FBXL7: variants seen among roughly 807,000 people sequenced by gnomAD.
The protein encoded by FBXL7 is F-box and leucine rich repeat protein 7, also known as F-box/LRR-repeat protein 7.
In FBXL7, 12 loss-of-function variants were observed where a neutral mutation model predicts 38.3. The ratio of observed to expected loss-of-function variants is 0.31; its 90% CI spans 0.20 to 0.51. The LOEUF (loss-of-function observed/expected upper bound fraction) is 0.51. Ranked by LOEUF, FBXL7 falls within the 20% of genes least tolerant of loss-of-function variation. The pLI is 0.98. For missense variants in FBXL7, 567 were observed against 676.4 expected, an observed-to-expected ratio of 0.84 and a Z score of 1.79; for synonymous variants, 297 against 300.9, an observed-to-expected ratio of 0.99 and a Z score of 0.13.
chr5:15,830,521 C>CAG (rs1044781909), intron 2 of FBXL7, among the ~76,000 whole-genome samples: 1 of 143,380 alleles, frequency 7.0e-6, no homozygotes. Flanking sequence ...CACACACACA[C>CAG]ACACGGAAAA....
chr5:15,762,824 G>T (rs1043851992), intron 2 of FBXL7, among the ~76,000 whole-genome samples: 1 of 152,120 alleles, frequency 6.6e-6, no homozygotes, highest in Non-Finnish European at 1.5e-5. Context: ...ATTACGTAGT[G>T]TCTTCCTAAA....
chr5:15,621,953 A>G (rs1740661403), intron 2 of FBXL7, among the ~76,000 whole-genome samples: 1 of 152,164 alleles, frequency 6.6e-6, no homozygotes, highest in Admixed American at 6.5e-5. Context: ...ATTGAATATG[A>G]GTCATTGTGT....
chr5:15,525,635 C>T (rs566344204), intron 1 of FBXL7, among the ~76,000 whole-genome samples: 49 of 152,130 alleles, frequency 3.2e-4, no homozygotes, highest in Middle Eastern at 6.8e-3. Flanking sequence ...TATAAATACA[C>T]GTATACATAT....
At chr5:15,722,810 CT>C (rs1184624048) in intron 2 of FBXL7, among the ~76,000 whole-genome samples, 7 of 152,044 alleles carry the variant, frequency 4.6e-5, no homozygotes, top group African/African-American at 1.7e-4. Context: ...GTAGTCCCAG[CT>C]ACTCGGAAGG....
intron 1 of FBXL7, among the ~76,000 whole-genome samples, chr5:15,602,024 A>G (rs1739811907): frequency 6.6e-6 from 1 of 152,142 alleles, no homozygotes; most frequent in African/African-American, 2.4e-5. Context: ...CCATGTGATG[A>G]CTAAGGCTGC....
chr5:15,523,686 C>T (rs1019926885), intron 1 of FBXL7, among the ~76,000 whole-genome samples: 7 of 152,190 alleles, frequency 4.6e-5, no homozygotes, highest in Admixed American at 2.6e-4. Flanking sequence ...TCCGTGGCGC[C>T]TTCTGCACAT....
chr5:15,775,189 AAGAT>A (rs1736827959), intron 2 of FBXL7, among the ~76,000 whole-genome samples: 1 of 152,236 alleles, frequency 6.6e-6, no homozygotes, highest in African/African-American at 2.4e-5. Flanking sequence ...TTGAGCAAGA[AAGAT>A]AGGGAAGATG....
chr5:15,926,038 G>A (rs1454419516), intron 2 of FBXL7, among the ~76,000 whole-genome samples: 2 of 152,092 alleles, frequency 1.3e-5, no homozygotes, highest in Non-Finnish European at 2.9e-5. Flanking sequence ...ATTTAAGGTA[G>A]GCTAGGACAA....
At chr5:15,774,414 G>A (rs772096917) in intron 2 of FBXL7, among the ~76,000 whole-genome samples, 7 of 151,460 alleles carry the variant, frequency 4.6e-5, no homozygotes, top group Non-Finnish European at 8.8e-5. Flanking sequence ...GGTGGAGGGT[G>A]GGGGGGCTAC....
intron 1 of FBXL7, among the ~76,000 whole-genome samples, chr5:15,539,178 A>C (rs1477946299): frequency 2.0e-5 from 3 of 152,234 alleles, no homozygotes; most frequent in African/African-American, 7.2e-5. Flanking sequence ...TAAAAATGCA[A>C]CAGTACCATC....
intron 1 of FBXL7, among the ~76,000 whole-genome samples, chr5:15,571,104 A>AAG (rs966315609): frequency 6.6e-6 from 1 of 151,220 alleles, no homozygotes; most frequent in African/African-American, 2.4e-5. Flanking sequence ...AAAAAAAAAA[A>AAG]AAAAAAGAAA....
chr5:15,760,046 C>A (rs1308011525), intron 2 of FBXL7, among the ~76,000 whole-genome samples: 2 of 151,844 alleles, frequency 1.3e-5, no homozygotes, highest in African/African-American at 2.4e-5. Flanking sequence ...AGAATTATTT[C>A]ATTTTTTTTT....
At chr5:15,739,459 G>GA (rs1735838568) in intron 2 of FBXL7, among the ~76,000 whole-genome samples, 2 of 152,302 alleles carry the variant, frequency 1.3e-5, no homozygotes, top group South Asian at 4.2e-4. Context: ...TGTATTCACA[G>GA]AATTGTACAA....
intron 2 of FBXL7, among the ~76,000 whole-genome samples, chr5:15,755,513 A>C (rs1277738886): frequency 6.6e-6 from 1 of 152,212 alleles, no homozygotes; most frequent in Non-Finnish European, 1.5e-5. Flanking sequence ...GTTAGATTAG[A>C]TCAGTAGTTC....
intron 1 of FBXL7, among the ~76,000 whole-genome samples, chr5:15,516,638 G>T (rs1382222927): frequency 1.3e-5 from 2 of 151,984 alleles, no homozygotes; most frequent in Admixed American, 6.5e-5. Context: ...TCGTGGGAGG[G>T]ACTTCGTGGG....
intron 2 of FBXL7, among the ~76,000 whole-genome samples, chr5:15,758,507 T>C (rs1736358577): frequency 6.6e-6 from 1 of 152,098 alleles, no homozygotes; most frequent in Non-Finnish European, 1.5e-5. Flanking sequence ...TAAATGAATG[T>C]TTTCTAAAGT....
At chr5:15,785,016 T>C (rs1737097071) in intron 2 of FBXL7, among the ~76,000 whole-genome samples, 1 of 152,206 alleles carries the variant, frequency 6.6e-6, no homozygotes, top group Non-Finnish European at 1.5e-5. Flanking sequence ...GGGTTGGGTG[T>C]AGCTATCATG....
chr5:15,939,058 C>T lies in FBXL7; in HGVS notation c.*1872C>T, dbSNP rs1482797838. ...CTCCTACTGTAGGCTCCTGTGCATA[C>T]TGTCGTCTTCTGTGGGGGATGGAGA... On this transcript the variant is annotated 3_prime_UTR_variant, in exon 4 of 4. Coordinates refer to ENST00000504595, the MANE Select transcript of FBXL7 (RefSeq NM_012304.5). 2 of 398,970 alleles carry T rather than the reference C, an allele frequency of 5.0e-6. No homozygotes were observed. The highest frequency in any genetic ancestry group is 6.2e-4 in the Middle Eastern group (1 of 1,610). The allele number at this position is 398,970 out of a possible 1,614,324, so 24.7% of individuals were successfully genotyped here.
intron 2 of FBXL7, among the ~76,000 whole-genome samples, chr5:15,812,865 C>T (rs961307229): frequency 5.3e-5 from 8 of 152,140 alleles, no homozygotes; most frequent in African/African-American, 1.9e-4. Flanking sequence ...AAGTTGTATT[C>T]CTAAGTATTT....
Sources: allele counts gnomAD v4.1 joint callset (sites outside exome capture counted in the v4.1 genomes callset), GRCh38; gene constraint gnomAD v4.1.1; transcripts MANE v1.5; gene names NCBI Gene and HGNC (gene_info 2026-07-23, HGNC 2026-07-21).